SPG11: variants seen among roughly 807,000 people sequenced by gnomAD.
The protein encoded by SPG11 is SPG11 vesicle trafficking associated, spatacsin.
In SPG11, 222 loss-of-function variants were observed where a neutral mutation model predicts 274.0. That is an observed-to-expected ratio of 0.81 (90% CI 0.73 to 0.91). The LOEUF is 0.91. Among genes scored for constraint, SPG11 ranks in the 40% least tolerant of loss-of-function variants. The probability of loss-of-function intolerance (pLI) is 0.00; values close to 1 mark genes in which losing one functional copy is unlikely to be tolerated. For synonymous variants in SPG11, 1,144 were observed against 1,039.7 expected (o/e 1.10, Z -1.93); for missense variants, 3,114 against 2,872.7 (o/e 1.08, Z -1.92).
At position 44,657,052 on chromosome 15, in the gene SPG11, C is replaced by G. The variant is rs765944354; in HGVS notation, c.869+43G>C. On this transcript the variant is annotated intron_variant, in intron 4 of 39. Transcript: ENST00000261866. ...AGGATATTTTTAACCTCTTATCAGT[C>G]TAACTATTTACCTCAAATTAGAAAC... 5 of 1,560,138 alleles carry G rather than the reference C, an allele frequency of 3.2e-6. No individual in the cohort carries two copies. In the South Asian group the frequency reaches 5.7e-5, roughly 18 times the overall value.
At chr15:44,628,129 A>T (rs1460657643) in intron 10 of SPG11, among the ~76,000 whole-genome samples, 1 of 152,198 alleles carries the variant, frequency 6.6e-6, no homozygotes, top group Non-Finnish European at 1.5e-5. Flanking sequence ...AGTCATACAG[A>T]TGGTAGTAAA....
chr15:44,611,009 TTC>T, intron 17 of SPG11, 24 bp from the exon 18 acceptor site: 5 of 1,611,748 alleles, frequency 3.1e-6, no homozygotes, highest in Non-Finnish European at 4.2e-6. Flanking sequence ...GACAGTGTTT[TTC>T]TCCTTAAGAG....
intron 22 of SPG11, 117 bp from the exon 23 acceptor site, chr15:44,598,490 G>C: frequency 8.0e-7 from 1 of 1,250,794 alleles, no homozygotes; most frequent in Non-Finnish European, 1.2e-6. Context: ...GCCCAAGAAA[G>C]TGAGACAAAG....
At chr15:44,585,470 T>C (rs12593514) in intron 29 of SPG11, among the ~76,000 whole-genome samples, 166 bp downstream of exon 29, 10 of 146,936 alleles carry the variant, frequency 6.8e-5, no homozygotes, top group Non-Finnish European at 1.3e-4. Flanking sequence ...GGCATGGTGG[T>C]GGGCACCTGT....
chr15:44,597,202 C>T, intron 23 of SPG11: 1 of 356,010 alleles, frequency 2.8e-6, no homozygotes, highest in Admixed American at 3.9e-5. Context: ...CAACCTCCGC[C>T]TCCTGGGTTC....
At chr15:44,657,383 A>T in intron 3 of SPG11, 87 bp from the exon 4 acceptor site, 1 of 1,234,686 alleles carries the variant, frequency 8.1e-7, no homozygotes, top group South Asian at 1.2e-5. Context: ...TATAGACTTT[A>T]TCACTCCAAT....
intron 37 of SPG11, 46 bp downstream of exon 37, chr15:44,566,171 C>G: frequency 6.2e-7 from 1 of 1,607,566 alleles, no homozygotes; most frequent in Non-Finnish European, 8.5e-7. Context: ...AATTTTACTG[C>G]AGACAGCAAG....
rs1263103913 is a variant in SPG11, at chr15:44,635,572, C to T, written c.1603-1935G>A. ...AGTGAGCTGTGATTGCGTCACTGTA[C>T]TCCAGCCTATGCAACCCTGTCTCAA... On this transcript the variant is annotated intron_variant, in intron 7 of 39. Transcript: ENST00000261866. 2.5e-5 allele frequency among the ~76,000 whole-genome samples: 3 copies of T among 121,048 alleles called. No homozygotes were observed. The Admixed American group carries it at 3.3e-4, about 13-fold the overall frequency. 79.4% of individuals were successfully genotyped at this position (121,048 alleles called of 152,430 possible).
chr15:44,577,265 G>A (rs1225022433), intron 30 of SPG11, among the ~76,000 whole-genome samples: 1 of 152,082 alleles, frequency 6.6e-6, no homozygotes, highest in African/African-American at 2.4e-5. Flanking sequence ...CATTTTGGAA[G>A]GCTAAGGTGG....
At chr15:44,589,799 CTTCT>C (rs1166502562) in intron 27 of SPG11, among the ~76,000 whole-genome samples, 7 of 152,112 alleles carry the variant, frequency 4.6e-5, no homozygotes, top group Non-Finnish European at 2.9e-5. Context: ...CACTTAGCAG[CTTCT>C]TTATTTTTAT....
chr15:44,582,610 A>C (rs1317362416), intron 30 of SPG11, among the ~76,000 whole-genome samples: 1 of 152,182 alleles, frequency 6.6e-6, no homozygotes, highest in African/African-American at 2.4e-5. Context: ...CATACATGTA[A>C]AAATCTTTAA....
chr15:44,575,272 C>A, intron 30 of SPG11: 1 of 530,078 alleles, frequency 1.9e-6, no homozygotes, highest in South Asian at 2.1e-5. Flanking sequence ...AAGATCAAGG[C>A]CACCTAATGA....
intron 23 of SPG11, 165 bp from the exon 24 acceptor site, chr15:44,597,108 TTC>T (rs768597305): frequency 2.3e-5 from 14 of 609,492 alleles, no homozygotes; most frequent in South Asian, 8.3e-5. Context: ...AAAAAGTAGA[TTC>T]TTTTTTTTTT....
At position 44,615,447 on chromosome 15, in the gene SPG11, C is replaced by T; in HGVS notation, c.2954G>A (p.Gly985Asp). Residue 985 changes from glycine (G) to aspartate (D), a missense_variant, in exon 16 of 40, where the codon GGT becomes GAT. Physicochemically the swap from Gly to Asp is moderately conservative, Grantham distance 94 (BLOSUM62 -1). Transcript: ENST00000261866. ...AATGAATTGAGAATGGAAATCCCAA[C>T]CTTCTTTGGTCTTGTAGTTTTGAAC... is the stretch of plus-strand genomic sequence containing the variant. ...LPVQNYKTKE[G>D]WDFHSQFILY... 1 of 1,614,098 alleles carries T rather than the reference C, an allele frequency of 6.2e-7. No individual in the cohort carries two copies. The highest frequency in any genetic ancestry group is 1.1e-5 in the South Asian group (1 of 91,086).
At chr15:44,646,206 A>T (rs535564389) in intron 7 of SPG11, among the ~76,000 whole-genome samples, 19 of 152,330 alleles carry the variant, frequency 1.2e-4, no homozygotes, top group Admixed American at 2.0e-4. Flanking sequence ...CACTATTGAC[A>T]ATGGCAAAGA....
Position 44,574,777 on chromosome 15 carries a change from A to G in SPG11, c.6006+125T>C, listed in dbSNP as rs557768304. 1.3e-5 allele frequency: 15 copies of G among 1,195,902 alleles called. No homozygotes were observed. The East Asian group carries it at 2.6e-4, about 21-fold the overall frequency. 74.1% of individuals were successfully genotyped at this position (1,195,902 alleles called of 1,614,324 possible). ...TAAAATTATGAGGGCCAACATCCTG[A>G]TAAGAGCTCTACTCCCAGGTCATGA... On this transcript the variant is annotated intron_variant, in intron 31 of 39. Transcript: ENST00000261866.
intron 7 of SPG11, among the ~76,000 whole-genome samples, chr15:44,636,629 T>C (rs1179586092): frequency 6.6e-6 from 1 of 151,734 alleles, no homozygotes; most frequent in Non-Finnish European, 1.5e-5. Context: ...GCCACTGCAC[T>C]CCAGCCTGGG....
At chr15:44,606,717 T>C (rs2083329511) in intron 19 of SPG11, among the ~76,000 whole-genome samples, 1 of 152,128 alleles carries the variant, frequency 6.6e-6, no homozygotes, top group Admixed American at 6.6e-5. Flanking sequence ...AAAGTCAGGA[T>C]TTGGATGGCC....
At chr15:44,582,500 G>T (rs948348329) in intron 30 of SPG11, among the ~76,000 whole-genome samples, 88 of 152,214 alleles carry the variant, frequency 5.8e-4, no homozygotes, top group African/African-American at 2.0e-3. Context: ...GTGATCTGAG[G>T]TTGTGCCACC....
Sources: allele counts gnomAD v4.1 joint callset (sites outside exome capture counted in the v4.1 genomes callset), GRCh38; gene constraint gnomAD v4.1.1; transcripts MANE v1.5; gene names NCBI Gene and HGNC (gene_info 2026-07-23, HGNC 2026-07-21).